The following ARHGAP1 variants were observed in gnomAD, a reference collection of about 807,000 sequenced individuals.
ARHGAP1 encodes the protein rho GTPase-activating protein 1.
ARHGAP1 carries 23 observed loss-of-function variants against 52.2 expected under a neutral mutation model. That is an observed-to-expected ratio of 0.44 (90% CI 0.32 to 0.62). The LOEUF is 0.62. ARHGAP1 is among the 20% of genes least tolerant of loss of function. ARHGAP1 has a pLI of 0.05. For missense variants in ARHGAP1, 480 were observed against 560.9 expected (o/e 0.86, Z 1.46); for synonymous variants, 210 against 228.4 (o/e 0.92, Z 0.73).
At position 46,680,769 on chromosome 11, in the gene ARHGAP1, G is replaced by A; in HGVS notation, c.636-22C>T. The A allele has an allele frequency of 2.0e-6, 3 of 1,499,384 alleles. No individual in the cohort carries two copies. Among genetic ancestry groups the A allele is most frequent in the Non-Finnish European group, 2.7e-6 (3 of 1,117,156 alleles). The allele number at this position is 1,499,384 out of a possible 1,614,324, so 92.9% of individuals were successfully genotyped here. On this transcript the variant is annotated intron_variant, in intron 7 of 12. Transcript: ENST00000311956. The surrounding 1 kb of genome is among the most constrained non-coding windows in gnomAD (Gnocchi z 5.9). ...ATATCTGTAGGAGTAGAGGGAGGTG[G>A]GTCAGGTCCTGCCTGGCTCTGGAGT...
chr11:46,698,192 G>A (rs531299955), intron 1 of ARHGAP1, among the ~76,000 whole-genome samples: 7 of 152,348 alleles, frequency 4.6e-5, no homozygotes, highest in African/African-American at 1.7e-4. Context: ...TGCTGAGCAA[G>A]TCCTTTTCCT....
chr11:46,698,412 G>A (rs1454879973), intron 1 of ARHGAP1, among the ~76,000 whole-genome samples: 1 of 151,642 alleles, frequency 6.6e-6, no homozygotes. Context: ...GACCAGCCTT[G>A]CCAACATGGT....
At chr11:46,691,001 C>A (rs1004440691) in intron 3 of ARHGAP1, among the ~76,000 whole-genome samples, 7 of 152,152 alleles carry the variant, frequency 4.6e-5, no homozygotes, top group Non-Finnish European at 7.4e-5. Flanking sequence ...CCTGCTTTAG[C>A]CTCCCATGTC....
rs1271060957 is a variant in ARHGAP1, at chr11:46,678,957, G to A, written c.*80C>T. On this transcript the variant is annotated 3_prime_UTR_variant, in exon 13 of 13. Coordinates refer to ENST00000311956, the MANE Select transcript of ARHGAP1 (RefSeq NM_004308.5). Reference sequence around the variant, plus strand: ...GTGGCTCCAACATCTCTCTCCAGGGGGCTTCATGGCCCCTGATGCCAGGAG... The same window carrying A: ...GTGGCTCCAACATCTCTCTCCAGGGAGCTTCATGGCCCCTGATGCCAGGAG... 6 of 1,470,572 alleles carry A rather than the reference G, an allele frequency of 4.1e-6. No homozygotes were observed. Among genetic ancestry groups the A allele is most frequent in the Admixed American group, 3.9e-5 (2 of 50,854 alleles). The allele number at this position is 1,470,572 out of a possible 1,614,324, so 91.1% of individuals were successfully genotyped here.
Position 46,679,891 on chromosome 11 carries a change from C to A in ARHGAP1, c.899-115G>T, listed in dbSNP as rs1370035575. The A allele has an allele frequency of 1.4e-6, 2 of 1,461,550 alleles. No individual in the cohort carries two copies. The highest frequency in any genetic ancestry group is 2.2e-5 in the Admixed American group (1 of 45,754). 90.5% of individuals were successfully genotyped at this position (1,461,550 alleles called of 1,614,324 possible). On this transcript the variant is annotated intron_variant, in intron 10 of 12. Transcript: ENST00000311956. The surrounding 1 kb of genome is among the most constrained non-coding windows in gnomAD (Gnocchi z 4.4). Reference sequence around the variant, plus strand: ...CCTGGACACTGCATAAGCCCCTCCTCCCAGGGGCGCCCTCTGACACCTGCC... The same window carrying A: ...CCTGGACACTGCATAAGCCCCTCCTACCAGGGGCGCCCTCTGACACCTGCC...
chr11:46,681,639 G>C lies in ARHGAP1; in HGVS notation c.450-260C>G. 1 of 426,332 alleles carries C rather than the reference G, an allele frequency of 2.3e-6. No homozygotes were observed. The highest frequency in any genetic ancestry group is 4.3e-6 in the Non-Finnish European group (1 of 230,230). 26.4% of individuals were successfully genotyped at this position (426,332 alleles called of 1,614,324 possible). On this transcript the variant is annotated intron_variant, in intron 5 of 12. Coordinates refer to ENST00000311956, the MANE Select transcript of ARHGAP1 (RefSeq NM_004308.5). The surrounding 1 kb of genome is among the most constrained non-coding windows in gnomAD (Gnocchi z 5.7). ...AGCGGAGACAGGGTTTCACCATGTT[G>C]GCCAGGCTGGTCTGGAACTCCTGAC... is the stretch of plus-strand genomic sequence containing the variant.
rs2064509711 is a variant in ARHGAP1 at position 46,679,790 on chromosome 11, A to G, written c.899-14T>C. The G allele has an allele frequency of 1.1e-5, 18 of 1,612,808 alleles. No homozygotes were observed. The highest frequency in any genetic ancestry group is 1.4e-5 in the Non-Finnish European group (17 of 1,179,802). On this transcript the variant is annotated splice_polypyrimidine_tract_variant and intron_variant, in intron 10 of 12. Coordinates refer to ENST00000311956, the MANE Select transcript of ARHGAP1 (RefSeq NM_004308.5). This position sits in a 1 kb window ranked among gnomAD's most constrained non-coding sequence, Gnocchi z 4.4. ...CCACAGGCAGCCCTGGGGTGGGGGC[A>G]GCGTGAGAGAAGCTCGGCACAGCCT...
Position 46,680,069 on chromosome 11 carries a change from C to T in ARHGAP1, c.898+136G>A. 2 of 1,150,690 alleles carry T rather than the reference C, an allele frequency of 1.7e-6. No individual in the cohort carries two copies. The highest frequency in any genetic ancestry group is 2.5e-6 in the Non-Finnish European group (2 of 785,920). 71.3% of individuals were successfully genotyped at this position (1,150,690 alleles called of 1,614,324 possible). A position where few individuals can be genotyped will look rare whatever the true frequency, so the allele number is the denominator to read the frequency against. ...GGCAGCAGGCCTGGCAGAAGTAGGA[C>T]TTATGTGACACCCAGAGCCACGGAA... On this transcript the variant is annotated intron_variant, in intron 10 of 12. Coordinates refer to ENST00000311956, the MANE Select transcript of ARHGAP1 (RefSeq NM_004308.5). The surrounding 1 kb of genome is among the most constrained non-coding windows in gnomAD (Gnocchi z 5.9).
At position 46,680,828 on chromosome 11, in the gene ARHGAP1, G is replaced by C. The variant is rs544159393; in HGVS notation, c.636-81C>G. The C allele has an allele frequency of 3.5e-6, 4 of 1,157,620 alleles. No individual in the cohort carries two copies. The highest frequency in any genetic ancestry group is 4.9e-6 in the Non-Finnish European group (4 of 820,778). The allele number at this position is 1,157,620 out of a possible 1,614,324, so 71.7% of individuals were successfully genotyped here. On this transcript the variant is annotated intron_variant, in intron 7 of 12. Transcript: ENST00000311956. This position sits in a 1 kb window ranked among gnomAD's most constrained non-coding sequence, Gnocchi z 5.9. ...CAATTCAATCAAGCATTGACCACGCGGGGTCAGGAGGATCATCTCATGCGA... is the reference window on the plus strand; with the variant it reads ...CAATTCAATCAAGCATTGACCACGCCGGGTCAGGAGGATCATCTCATGCGA...
intron 4 of ARHGAP1, among the ~76,000 whole-genome samples, chr11:46,685,679 T>C (rs1329689827): frequency 1.4e-5 from 2 of 146,190 alleles, no homozygotes; most frequent in Middle Eastern, 3.5e-3. Flanking sequence ...CAAGTCTCTT[T>C]TTTTTTTTTT....
Position 46,679,534 on chromosome 11 carries a change from AGGCTAGAGG to A in ARHGAP1, c.1028-75_1028-67del. ...GGGCTGGTTCAGGACGCTCTGATGC[AGGCTAGAGG>A]GGAGACCCCCAGCAGTCTTCCCTGG... On this transcript the variant is annotated intron_variant, in intron 11 of 12. Transcript: ENST00000311956. The surrounding 1 kb of genome is among the most constrained non-coding windows in gnomAD (Gnocchi z 4.4). 1 of 1,606,264 alleles carries A rather than the reference AGGCTAGAGG, an allele frequency of 6.2e-7. No individual in the cohort carries two copies. Among genetic ancestry groups the A allele is most frequent in the South Asian group, 1.1e-5 (1 of 90,776 alleles).
chr11:46,678,046 C>A lies in ARHGAP1; in HGVS notation c.*991G>T. 2.7e-6 allele frequency: 1 copy of A among 372,508 alleles called. No homozygotes were observed. Among genetic ancestry groups the A allele is most frequent in the Non-Finnish European group, 5.2e-6 (1 of 190,572 alleles). The allele number at this position is 372,508 out of a possible 1,614,324, so 23.1% of individuals were successfully genotyped here. ...CCTATCAGCACAATCTCTGCCCCTC[C>A]TACGGGCACTCTTAGTCTCTACCCC... On this transcript the variant is annotated 3_prime_UTR_variant, in exon 13 of 13. Coordinates refer to ENST00000311956, the MANE Select transcript of ARHGAP1 (RefSeq NM_004308.5).
At chr11:46,699,570 G>A (rs1193587616) in intron 1 of ARHGAP1, among the ~76,000 whole-genome samples, 3 of 132,574 alleles carry the variant, frequency 2.3e-5, no homozygotes, top group Non-Finnish European at 5.0e-5. Flanking sequence ...GGGTGTGGTG[G>A]CGCGCGCCTG....
chr11:46,691,063 C>T (rs1172760831), intron 3 of ARHGAP1, among the ~76,000 whole-genome samples: 4 of 151,876 alleles, frequency 2.6e-5, no homozygotes, highest in Admixed American at 6.6e-5. Context: ...TAATTAAAAA[C>T]AATTTTTTGA....
Position 46,681,491 on chromosome 11 carries a change from G to A in ARHGAP1, c.450-112C>T. 1.3e-6 allele frequency: 1 copy of A among 786,608 alleles called. No individual in the cohort carries two copies. The highest frequency in any genetic ancestry group is 2.2e-6 in the Non-Finnish European group (1 of 452,546). The allele number at this position is 786,608 out of a possible 1,614,324, so 48.7% of individuals were successfully genotyped here. ...GACAGAGTCTCCTTCACCCAGGCTG[G>A]AGTGTGATCTCAGCTCATTGCAGCC... is the stretch of plus-strand genomic sequence containing the variant. On this transcript the variant is annotated intron_variant, in intron 5 of 12. Transcript: ENST00000311956. The surrounding 1 kb of genome is among the most constrained non-coding windows in gnomAD (Gnocchi z 5.7).
Position 46,679,868 on chromosome 11 carries a change from T to A in ARHGAP1, c.899-92A>T. 2 of 1,573,282 alleles carry A rather than the reference T, an allele frequency of 1.3e-6. No homozygotes were observed. Among genetic ancestry groups the A allele is most frequent in the Non-Finnish European group, 1.7e-6 (2 of 1,162,554 alleles). On this transcript the variant is annotated intron_variant, in intron 10 of 12. Transcript: ENST00000311956. This position sits in a 1 kb window ranked among gnomAD's most constrained non-coding sequence, Gnocchi z 4.4. ...GCGGGCCGCACTGCCTGACTGCCCCTGGACACTGCATAAGCCCCTCCTCCC... is the reference window on the plus strand; with the variant it reads ...GCGGGCCGCACTGCCTGACTGCCCCAGGACACTGCATAAGCCCCTCCTCCC...
chr11:46,679,330 T>C lies in ARHGAP1; in HGVS notation c.1131+35A>G, dbSNP rs756099087. On this transcript the variant is annotated intron_variant, in intron 12 of 12. Coordinates refer to ENST00000311956, the MANE Select transcript of ARHGAP1 (RefSeq NM_004308.5). This position sits in a 1 kb window ranked among gnomAD's most constrained non-coding sequence, Gnocchi z 4.4. ...GGAGGCGGCAGCTCCTCCTTCCCCC[T>C]CCCTTCACCCCAGAGGCCAAGTCCA... 6.2e-7 allele frequency: 1 copy of C among 1,610,358 alleles called. No homozygotes were observed. The highest frequency in any genetic ancestry group is 2.2e-5 in the East Asian group (1 of 44,790).
intron 4 of ARHGAP1, among the ~76,000 whole-genome samples, chr11:46,684,981 G>A (rs755024549): frequency 1.2e-4 from 18 of 151,774 alleles, no homozygotes; most frequent in African/African-American, 3.9e-4. Flanking sequence ...CCAGCTACTC[G>A]GGAGGCTGAG....
In ARHGAP1 at chr11:46,679,418, G is replaced by A. The variant is rs2134475828; in HGVS notation, c.1078C>T (p.Leu360=). 2 of 1,614,206 alleles carry A rather than the reference G, an allele frequency of 1.2e-6. No homozygotes were observed. Among genetic ancestry groups the A allele is most frequent in the African/African-American group, 1.3e-5 (1 of 75,060 alleles). ...AGCACCTGGTAGTTCTCCTCGGGCA[G>A]CGTCTGGAGGACCTGCAGTGTCGCT... ...VPATLQVLQT[L]PEENYQVLRF... is the part of the protein sequence containing the mutation. Residue 360 remains leucine, a synonymous_variant, in exon 12 of 13, where the codon CTG becomes TTG. Coordinates refer to ENST00000311956, the MANE Select transcript of ARHGAP1 (RefSeq NM_004308.5). The surrounding 1 kb of genome is among the most constrained non-coding windows in gnomAD (Gnocchi z 4.4).
Sources: allele counts gnomAD v4.1 joint callset (sites outside exome capture counted in the v4.1 genomes callset), GRCh38; gene constraint gnomAD v4.1.1; non-coding constraint Gnocchi (gnomAD v3.1); transcripts MANE v1.5; gene names NCBI Gene and HGNC (gene_info 2026-07-23, HGNC 2026-07-21).